Variants in ARHGAP24 observed in about 807,000 individuals in gnomAD.
ARHGAP24 encodes the protein rho GTPase-activating protein 24.
ARHGAP24 carries 50 observed loss-of-function variants against 76.4 expected under a neutral mutation model. The ratio of observed to expected loss-of-function variants is 0.65; its 90% CI spans 0.52 to 0.83. ARHGAP24 has a LOEUF of 0.83. Ranked by LOEUF, ARHGAP24 falls within the 40% of genes least tolerant of loss-of-function variation. ARHGAP24 has a pLI of 0.00. For missense variants in ARHGAP24, 930 were observed against 914.2 expected (o/e 1.02, Z -0.22); for synonymous variants, 345 against 323.3 (o/e 1.07, Z -0.72).
At chr4:85,631,761 G>A (rs1721166567) in intron 2 of ARHGAP24, among the ~76,000 whole-genome samples, 1 of 151,968 alleles carries the variant, frequency 6.6e-6, no homozygotes, top group African/African-American at 2.4e-5. Context: ...CAGTCTGGGT[G>A]AGTGAAAAAA....
intron 5 of ARHGAP24, among the ~76,000 whole-genome samples, chr4:85,959,108 C>T (rs1464138457): frequency 5.3e-5 from 8 of 152,146 alleles, no homozygotes; most frequent in African/African-American, 9.7e-5. Flanking sequence ...AGAGCAGCCC[C>T]GACGGCTGCT....
At chr4:85,843,416 A>T (rs1730708869) in intron 3 of ARHGAP24, among the ~76,000 whole-genome samples, 2 of 152,140 alleles carry the variant, frequency 1.3e-5, no homozygotes, top group Admixed American at 6.6e-5. Flanking sequence ...CGCAAATAGC[A>T]GGAGAGGCAA....
chr4:86,000,244 C>T, intron 9 of ARHGAP24: 1 of 410,802 alleles, frequency 2.4e-6, no homozygotes, highest in Non-Finnish European at 4.6e-6. Context: ...CAGCTGCTTC[C>T]AAGAGAGGCC....
intron 5 of ARHGAP24, among the ~76,000 whole-genome samples, chr4:85,951,540 G>A (rs77627800): frequency 1.2e-3 from 181 of 152,184 alleles, no homozygotes; most frequent in African/African-American, 3.8e-3. Flanking sequence ...AAGAGCATCT[G>A]TGTTCTTAAA....
At chr4:85,950,434 A>G (rs1737544025) in intron 5 of ARHGAP24, among the ~76,000 whole-genome samples, 1 of 152,080 alleles carries the variant, frequency 6.6e-6, no homozygotes, top group Non-Finnish European at 1.5e-5. Context: ...CAGGAGTTTG[A>G]GGCTGCAATG....
intron 2 of ARHGAP24, among the ~76,000 whole-genome samples, chr4:85,697,915 A>G (rs1723930794): frequency 6.6e-6 from 1 of 152,240 alleles, no homozygotes; most frequent in Admixed American, 6.5e-5. Flanking sequence ...AAAAAGCTAC[A>G]AAAACTTCAT....
chr4:85,569,969 G>A (rs899752531), intron 1 of ARHGAP24, among the ~76,000 whole-genome samples: 20 of 152,198 alleles, frequency 1.3e-4, no homozygotes, highest in African/African-American at 3.9e-4. Context: ...TTATGTTTTA[G>A]TTTGTTTATA....
chr4:85,906,773 T>G (rs1734788806), intron 3 of ARHGAP24, among the ~76,000 whole-genome samples: 1 of 152,178 alleles, frequency 6.6e-6, no homozygotes, highest in South Asian at 2.1e-4. Context: ...AAGTCAGTAA[T>G]AGGTTGACTT....
At chr4:85,821,849 T>G (rs1335815314) in intron 3 of ARHGAP24, among the ~76,000 whole-genome samples, 1 of 152,200 alleles carries the variant, frequency 6.6e-6, no homozygotes, top group East Asian at 1.9e-4. Context: ...CACTATTACT[T>G]AAAGAGTAGG....
chr4:85,890,717 G>A (rs1733840006), intron 3 of ARHGAP24, among the ~76,000 whole-genome samples: 1 of 152,158 alleles, frequency 6.6e-6, no homozygotes, highest in African/African-American at 2.4e-5. Context: ...TAATGGGACT[G>A]GAAATGTGTT....
chr4:85,564,924 G>GTATATATATATATA (rs3028011), intron 1 of ARHGAP24, among the ~76,000 whole-genome samples: 19 of 53,242 alleles, frequency 3.6e-4, no homozygotes, highest in Non-Finnish European at 5.3e-4. Flanking sequence ...AACACACACG[G>GTATATATATATATA]TATATATATA....
At chr4:85,553,820 A>C (rs1033664319) in intron 1 of ARHGAP24, among the ~76,000 whole-genome samples, 6 of 152,122 alleles carry the variant, frequency 3.9e-5, no homozygotes, top group African/African-American at 1.4e-4. Context: ...TACATCCAGC[A>C]TTAATATTGG....
chr4:85,541,634 A>T (rs1383213982), intron 1 of ARHGAP24, among the ~76,000 whole-genome samples: 3 of 152,050 alleles, frequency 2.0e-5, no homozygotes, highest in Non-Finnish European at 2.9e-5. Context: ...TACCAATTGC[A>T]TGATGATATC....
At chr4:85,604,999 A>G (rs1456748680) in intron 2 of ARHGAP24, among the ~76,000 whole-genome samples, 1 of 152,178 alleles carries the variant, frequency 6.6e-6, no homozygotes, top group Non-Finnish European at 1.5e-5. Context: ...CCACAGCACT[A>G]GGCCTCACTT....
At chr4:85,640,294 T>C (rs984851862) in intron 2 of ARHGAP24, among the ~76,000 whole-genome samples, 1 of 151,524 alleles carries the variant, frequency 6.6e-6, no homozygotes, top group Admixed American at 6.5e-5. Flanking sequence ...CATTTCTTCC[T>C]GTGGAAATCA....
chr4:85,701,036 A>G (rs922351740), intron 2 of ARHGAP24, among the ~76,000 whole-genome samples: 8 of 152,202 alleles, frequency 5.3e-5, no homozygotes, highest in Admixed American at 2.0e-4. Context: ...ATATTTCATT[A>G]TAAGAAATAA....
At chr4:85,828,064 CA>C in intron 3 of ARHGAP24, 3 of 1,019,692 alleles carry the variant, frequency 2.9e-6, no homozygotes, top group Non-Finnish European at 4.0e-6. Flanking sequence ...ATATTTATAT[CA>C]CCACAAATTC....
intron 3 of ARHGAP24, among the ~76,000 whole-genome samples, chr4:85,798,928 A>T (rs2110102431): frequency 6.6e-6 from 1 of 152,320 alleles, no homozygotes; most frequent in East Asian, 1.9e-4. Flanking sequence ...TATTTTAATA[A>T]TATTAGGCTT....
At chr4:85,803,682 G>GGGCA (rs1728670463) in intron 3 of ARHGAP24, among the ~76,000 whole-genome samples, 1 of 152,132 alleles carries the variant, frequency 6.6e-6, no homozygotes, top group Non-Finnish European at 1.5e-5. Flanking sequence ...ATTAGTTAGG[G>GGGCA]GGCAGTTCAC....
Sources: gnomAD v4.1 joint callset for allele counts (sites outside exome capture counted in the v4.1 genomes callset) on GRCh38, gnomAD v4.1.1 for gene constraint, MANE v1.5 for transcripts, NCBI Gene and HGNC (gene_info 2026-07-23, HGNC 2026-07-21) for gene names.